Variants in HNRNPM observed in about 807,000 individuals in gnomAD.
HNRNPM encodes the protein heterogeneous nuclear ribonucleoprotein M.
A neutral mutation model predicts 73.1 loss-of-function variants in HNRNPM; 11 were observed. The observed-to-expected ratio is 0.15, with a 90% CI of 0.09 to 0.25. The LOEUF is 0.25. Ranked by LOEUF, HNRNPM falls within the 10% of genes least tolerant of loss-of-function variation. The probability of loss-of-function intolerance (pLI) is 1.00; values close to 1 mark genes in which losing one functional copy is unlikely to be tolerated. For missense variants in HNRNPM, 789 were observed against 1,067.9 expected (o/e 0.74, Z 3.64); for synonymous variants, 407 against 355.2 (o/e 1.15, Z -1.64).
At chr19:8,460,515 T>G (rs1051439632) in intron 2 of HNRNPM, among the ~76,000 whole-genome samples, 3 of 152,210 alleles carry the variant, frequency 2.0e-5, no homozygotes, top group African/African-American at 7.2e-5. Context: ...TACAAAGGAT[T>G]GAGTCAGGTG....
intron 2 of HNRNPM, among the ~76,000 whole-genome samples, chr19:8,455,944 C>CTT (rs369296420): frequency 0.036 from 4,830 of 134,468 alleles, 242 homozygotes; most frequent in African/African-American, 0.1. Flanking sequence ...CCTTTCTTTC[C>CTT]TTTTTTTTTT....
chr19:8,471,236 A>T (rs1970112529), intron 9 of HNRNPM, 90 bp from the exon 10 acceptor site: 1 of 697,298 alleles, frequency 1.4e-6, no homozygotes, highest in Admixed American at 3.5e-5. Context: ...GCTGAAGTGG[A>T]TAGCTGCAAC....
chr19:8,450,711 A>AATT (rs748689245), intron 1 of HNRNPM, among the ~76,000 whole-genome samples: 1,839 of 124,696 alleles, frequency 0.015, 54 homozygotes, highest in African/African-American at 0.04. Flanking sequence ...TAATTTAATT[A>AATT]ATTATTATTA....
At chr19:8,447,230 T>G (rs977376384) in intron 1 of HNRNPM, among the ~76,000 whole-genome samples, 25 of 150,826 alleles carry the variant, frequency 1.7e-4, no homozygotes, top group Non-Finnish European at 3.1e-4. Flanking sequence ...CTGGCAACAC[T>G]TGGATATTTT....
chr19:8,453,618 AAT>A (rs1443781834), intron 1 of HNRNPM, among the ~76,000 whole-genome samples: 1 of 152,062 alleles, frequency 6.6e-6, no homozygotes, highest in Non-Finnish European at 1.5e-5. Flanking sequence ...ATGGATTACA[AAT>A]TCTGTAGTAG....
At chr19:8,466,086 T>G in intron 6 of HNRNPM, 149 bp from the exon 7 acceptor site, 1 of 715,940 alleles carries the variant, frequency 1.4e-6, no homozygotes, top group Non-Finnish European at 2.3e-6. Context: ...ATAATCCTAT[T>G]TTAAAATTTC....
At chr19:8,488,496 C>A in intron 15 of HNRNPM, 195 bp from the exon 16 acceptor site, 1 of 466,864 alleles carries the variant, frequency 2.1e-6, no homozygotes, top group Middle Eastern at 5.5e-4. Context: ...GCCAGGAAGG[C>A]TTTTCATGGG....
chr19:8,480,343 C>CA (rs112165621), intron 12 of HNRNPM, among the ~76,000 whole-genome samples: 88,320 of 108,584 alleles, frequency 0.81, 37,585 homozygotes, highest in East Asian at 0.96. Context: ...GACTCCATCT[C>CA]AAAAAAAAAA....
rs768119827 is a variant in HNRNPM, at chr19:8,468,850, A to G, written c.895+16A>G. 1 of 1,599,728 alleles carries G rather than the reference A, an allele frequency of 6.3e-7. No individual in the cohort carries two copies. Among genetic ancestry groups the G allele is most frequent in the Non-Finnish European group, 8.6e-7 (1 of 1,166,988 alleles). On this transcript the variant is annotated intron_variant, in intron 9 of 15. Coordinates refer to ENST00000325495, the MANE Select transcript of HNRNPM (RefSeq NM_005968.5). ...CAACTTCCCCGTAAGTGTTTCAGTG[A>G]TTAGGGCTGAGAGTTTGAATTGGAG...
chr19:8,481,813 C>T (rs1420188442), intron 12 of HNRNPM, among the ~76,000 whole-genome samples: 3 of 152,112 alleles, frequency 2.0e-5, no homozygotes, highest in African/African-American at 4.8e-5. Context: ...CGGGCAGGAT[C>T]GCAGGCGTCC....
chr19:8,453,425 G>A (rs1164820224), intron 1 of HNRNPM, among the ~76,000 whole-genome samples: 2 of 152,214 alleles, frequency 1.3e-5, no homozygotes, highest in Non-Finnish European at 2.9e-5. Flanking sequence ...ACAGATGGGA[G>A]TTACCACACC....
At position 8,485,767 on chromosome 19, in the gene HNRNPM, G is replaced by A. The variant is rs781330487; in HGVS notation, c.1339G>A (p.Val447Met). Residue 447 changes from valine to methionine, a missense_variant, in exon 14 of 16, where the codon GTG (valine) becomes ATG (methionine). Physicochemically the swap from Val to Met is conservative, Grantham distance 21. Transcript: ENST00000325495. ...MGLVMDRMGS[V>M]ERMGSGIERM... ...CCTGGTCATGGACCGCATGGGCTCCGTGGAGCGCATGGGCTCCGGCATTGA... is the reference window on the plus strand; with the variant it reads ...CCTGGTCATGGACCGCATGGGCTCCATGGAGCGCATGGGCTCCGGCATTGA... 6.9e-6 allele frequency: 11 copies of A among 1,604,474 alleles called. No homozygotes were observed. Among genetic ancestry groups the A allele is most frequent in the South Asian group, 6.6e-5 (6 of 90,994 alleles).
At chr19:8,468,909 T>C in intron 9 of HNRNPM, 75 bp downstream of exon 9, 1 of 1,214,744 alleles carries the variant, frequency 8.2e-7, no homozygotes, top group Non-Finnish European at 1.2e-6. Context: ...CCATATGGTT[T>C]CACTTGAACC....
chr19:8,461,416 A>G (rs1345146945), intron 2 of HNRNPM, among the ~76,000 whole-genome samples: 5 of 152,190 alleles, frequency 3.3e-5, no homozygotes, highest in African/African-American at 4.8e-5. Context: ...GCTAAACCAA[A>G]CCGATCCAGA....
intron 1 of HNRNPM, chr19:8,445,679 C>G (rs932041142): frequency 6.6e-6 from 1 of 152,362 alleles, no homozygotes; most frequent in Non-Finnish European, 1.5e-5. Flanking sequence ...GCGCGCCGAC[C>G]GCGCTCCGCG....
At chr19:8,455,036 G>T (rs1184311338) in intron 1 of HNRNPM, among the ~76,000 whole-genome samples, 1 of 152,052 alleles carries the variant, frequency 6.6e-6, no homozygotes, top group East Asian at 1.9e-4. Context: ...GTGCAGTAGG[G>T]TGATCATAGT....
At chr19:8,466,501 C>T in intron 7 of HNRNPM, 113 bp downstream of exon 7, 2 of 1,042,090 alleles carry the variant, frequency 1.9e-6, no homozygotes, top group Non-Finnish European at 3.0e-6. Context: ...TTTTATGTGA[C>T]TAGGGGGAGT....
At position 8,467,390 on chromosome 19, in the gene HNRNPM, G is replaced by A. The variant is rs551768903; in HGVS notation, c.785-145G>A. The A allele has an allele frequency of 9.4e-4, 594 of 634,522 alleles. 5 individuals are homozygous for A. The African/African-American group carries it at 9.6e-3, about 10-fold the overall frequency. 39.3% of individuals were successfully genotyped at this position (634,522 alleles called of 1,614,324 possible). The stretch of plus-strand genomic sequence containing the variant: ...ATTTATTGTTCCTTTTATGTTTATT[G>A]TTGAAAGTATAATGAAGAATTGAAA... On this transcript the variant is annotated intron_variant, in intron 7 of 15. Transcript: ENST00000325495.
In HNRNPM at chr19:8,455,085, C is replaced by T. The variant is rs555047314; in HGVS notation, c.114-320C>T. Among the ~76,000 whole-genome samples, 12 of 152,138 alleles carry T rather than the reference C, an allele frequency of 7.9e-5. No individual in the cohort carries two copies. The South Asian group carries it at 2.5e-3, about 32-fold the overall frequency. ...GAACTCCCGAGTTTAAGTGATCCTC[C>T]CATCTCACCCTCCCTACTAGCTAGT... On this transcript the variant is annotated intron_variant, in intron 1 of 15. Coordinates refer to ENST00000325495, the MANE Select transcript of HNRNPM (RefSeq NM_005968.5).
Sources: gnomAD v4.1 joint callset for allele counts (sites outside exome capture counted in the v4.1 genomes callset) on GRCh38, gnomAD v4.1.1 for gene constraint, MANE v1.5 for transcripts, NCBI Gene and HGNC (gene_info 2026-07-23, HGNC 2026-07-21) for gene names.